Variants in UBE2E2 observed in about 807,000 individuals in gnomAD.
UBE2E2 encodes ubiquitin-conjugating enzyme E2 E2.
UBE2E2 carries 6 observed loss-of-function variants against 24.7 expected under a neutral mutation model. The ratio of observed to expected loss-of-function variants is 0.24; its 90% CI spans 0.13 to 0.48. UBE2E2 has a LOEUF of 0.48. UBE2E2 is among the 20% of genes least tolerant of loss of function. UBE2E2 has a pLI of 0.99. For missense variants in UBE2E2, 169 were observed against 245.0 expected, an observed-to-expected ratio of 0.69 and a Z score of 2.07; for synonymous variants, 104 against 83.6, an observed-to-expected ratio of 1.24 and a Z score of -1.33.
intron 2 of UBE2E2, among the ~76,000 whole-genome samples, chr3:23,209,166 T>C (rs1696244267): frequency 6.6e-6 from 1 of 152,194 alleles, no homozygotes. Context: ...TTGCAGTAGT[T>C]TCATTTATGG....
At chr3:23,285,273 G>A (rs1698590929) in intron 3 of UBE2E2, among the ~76,000 whole-genome samples, 1 of 152,052 alleles carries the variant, frequency 6.6e-6, no homozygotes, top group Admixed American at 6.5e-5. Flanking sequence ...TTATCCACTT[G>A]TCTATTGATG....
At chr3:23,456,753 A>G (rs1322750588) in intron 3 of UBE2E2, among the ~76,000 whole-genome samples, 5 of 152,212 alleles carry the variant, frequency 3.3e-5, no homozygotes, top group African/African-American at 1.2e-4. Flanking sequence ...ATAATTATTT[A>G]AGGCCCTAGG....
chr3:23,438,550 G>T (rs1031711448), intron 3 of UBE2E2, among the ~76,000 whole-genome samples: 2 of 152,170 alleles, frequency 1.3e-5, no homozygotes, highest in African/African-American at 4.8e-5. Flanking sequence ...TACGGTTTTT[G>T]AGCTTTTATT....
chr3:23,571,109 A>C (rs940297891), intron 5 of UBE2E2, among the ~76,000 whole-genome samples: 43 of 151,932 alleles, frequency 2.8e-4, no homozygotes, highest in African/African-American at 9.9e-4. Context: ...TAAACTGATT[A>C]AGAAGTGATG....
At position 23,493,443 on chromosome 3, in the gene UBE2E2, C is replaced by T. The variant is rs371075656; in HGVS notation, c.228-6165C>T. On this transcript the variant is annotated intron_variant, in intron 3 of 5. Transcript: ENST00000396703. Reference sequence around the variant, plus strand: ...AGCAACCTTGGGCATTCAGCCAAATCGTAATTTGCTGATATTTTTCATTCT... The same window carrying T: ...AGCAACCTTGGGCATTCAGCCAAATTGTAATTTGCTGATATTTTTCATTCT... Among the ~76,000 whole-genome samples, 54 of 152,114 alleles carry T rather than the reference C, an allele frequency of 3.5e-4. No homozygotes were observed. In the South Asian group the frequency reaches 0.01, roughly 29 times the overall value.
At chr3:23,270,359 C>A (rs901579775) in intron 3 of UBE2E2, among the ~76,000 whole-genome samples, 1 of 152,074 alleles carries the variant, frequency 6.6e-6, no homozygotes, top group Non-Finnish European at 1.5e-5. Context: ...GCACAAAGGG[C>A]TTGGCTGATC....
chr3:23,522,621 C>T (rs1212640309), intron 4 of UBE2E2, among the ~76,000 whole-genome samples: 2 of 152,004 alleles, frequency 1.3e-5, no homozygotes, highest in Non-Finnish European at 2.9e-5. Context: ...GCATGCCAAA[C>T]AAGCATTGAT....
chr3:23,440,681 G>T (rs1211835341), intron 3 of UBE2E2, among the ~76,000 whole-genome samples: 4 of 152,138 alleles, frequency 2.6e-5, no homozygotes, highest in Admixed American at 2.0e-4. Flanking sequence ...AAATGTTTCA[G>T]TCTAGTTAAG....
At chr3:23,298,349 C>A (rs1357296424) in intron 3 of UBE2E2, among the ~76,000 whole-genome samples, 18 of 151,620 alleles carry the variant, frequency 1.2e-4, no homozygotes, top group Non-Finnish European at 2.7e-4. Context: ...TGAGAGAGGG[C>A]ATCCCTGTCT....
chr3:23,445,954 A>T (rs1175472810), intron 3 of UBE2E2, among the ~76,000 whole-genome samples: 1 of 152,186 alleles, frequency 6.6e-6, no homozygotes, highest in Non-Finnish European at 1.5e-5. Flanking sequence ...GAGACTCCAC[A>T]GCATTTTTAT....
chr3:23,394,026 C>T (rs899977463), intron 3 of UBE2E2, among the ~76,000 whole-genome samples: 1 of 152,114 alleles, frequency 6.6e-6, no homozygotes, highest in Non-Finnish European at 1.5e-5. Context: ...TATTTGTTGA[C>T]TGATGAAAAC....
intron 4 of UBE2E2, among the ~76,000 whole-genome samples, chr3:23,522,148 T>TTTTGAGGCA (rs58369100): frequency 4.3e-5 from 5 of 115,194 alleles, no homozygotes; most frequent in African/African-American, 1.6e-4. Context: ...TTTTTTTTTT[T>TTTTGAGGCA]GAGGCAGAGT....
intron 3 of UBE2E2, among the ~76,000 whole-genome samples, chr3:23,421,590 T>C (rs1169116461): frequency 6.6e-6 from 1 of 152,182 alleles, no homozygotes; most frequent in Non-Finnish European, 1.5e-5. Context: ...GTATTTTTAG[T>C]AGAGATGGGG....
At chr3:23,233,154 A>T (rs555073057) in intron 3 of UBE2E2, among the ~76,000 whole-genome samples, 1 of 152,312 alleles carries the variant, frequency 6.6e-6, no homozygotes, top group East Asian at 1.9e-4. Context: ...CTGTAGGGGA[A>T]AAGTGAGATG....
intron 5 of UBE2E2, among the ~76,000 whole-genome samples, chr3:23,580,472 T>C (rs540823667): frequency 6.6e-6 from 1 of 152,206 alleles, no homozygotes; most frequent in Non-Finnish European, 1.5e-5. Flanking sequence ...TTTTAAGGTA[T>C]GTACTTTTTT....
rs1358387156 is a variant in UBE2E2, at chr3:23,455,968, C to CTT, written c.228-43638_228-43637dup. Among the ~76,000 whole-genome samples the CTT allele has an allele frequency of 2.0e-5, 3 of 152,224 alleles. No individual in the cohort carries two copies. In the East Asian group the frequency reaches 5.8e-4, roughly 29 times the overall value. ...CAGTATTTTACCCACAATGTAACTT[C>CTT]TTTCAAAATTGGAGTCAGTCCTCTC... On this transcript the variant is annotated intron_variant, in intron 3 of 5. Transcript: ENST00000396703.
At chr3:23,555,147 C>A (rs1294985915) in intron 5 of UBE2E2, among the ~76,000 whole-genome samples, 1 of 152,106 alleles carries the variant, frequency 6.6e-6, no homozygotes, top group Non-Finnish European at 1.5e-5. Context: ...GAACTCCCGA[C>A]CTCATGTGAT....
At chr3:23,396,826 T>C (rs1205999752) in intron 3 of UBE2E2, among the ~76,000 whole-genome samples, 1 of 152,118 alleles carries the variant, frequency 6.6e-6, no homozygotes, top group Non-Finnish European at 1.5e-5. Context: ...AAAAAAAATA[T>C]GATTTTTATT....
intron 1 of UBE2E2, 124 bp downstream of exon 1, chr3:23,203,588 G>C (rs1392108101): frequency 1.1e-5 from 6 of 542,236 alleles, no homozygotes; most frequent in Non-Finnish European, 1.4e-5. Context: ...TCGTGCCCTA[G>C]TTCCCTCCTT....
Sources: gnomAD v4.1 joint callset for allele counts (sites outside exome capture counted in the v4.1 genomes callset) on GRCh38, gnomAD v4.1.1 for gene constraint, MANE v1.5 for transcripts, NCBI Gene and HGNC (gene_info 2026-07-23, HGNC 2026-07-21) for gene names.